Variants in NMNAT2 observed in about 807,000 individuals in gnomAD.
NMNAT2 encodes nicotinamide/nicotinic acid mononucleotide adenylyltransferase 2.
NMNAT2 carries 11 observed loss-of-function variants against 41.6 expected under a neutral mutation model. That is an observed-to-expected ratio of 0.26 (90% confidence interval 0.17 to 0.44). NMNAT2 has a LOEUF of 0.44. Among genes scored for constraint, NMNAT2 ranks in the 20% least tolerant of loss-of-function variants. The pLI, the probability that NMNAT2 is intolerant of heterozygous loss-of-function variation, is 1.00. For synonymous variants in NMNAT2, 148 were observed against 151.2 expected, an observed-to-expected ratio of 0.98 and a Z score of 0.16; for missense variants, 288 against 407.7, an observed-to-expected ratio of 0.71 and a Z score of 2.53.
chr1:183,408,853 G>C (rs1026024772), intron 1 of NMNAT2, among the ~76,000 whole-genome samples: 1 of 152,046 alleles, frequency 6.6e-6, no homozygotes, highest in South Asian at 2.1e-4. Flanking sequence ...AATTTAAAAC[G>C]AATGACATGT....
At chr1:183,397,558 A>G (rs989755440) in intron 1 of NMNAT2, among the ~76,000 whole-genome samples, 5 of 152,142 alleles carry the variant, frequency 3.3e-5, no homozygotes, top group African/African-American at 1.2e-4. Flanking sequence ...AGGAAATACA[A>G]AGAACGCCAC....
chr1:183,369,257 T>G (rs952290975), intron 1 of NMNAT2, among the ~76,000 whole-genome samples: 9 of 88,822 alleles, frequency 1.0e-4, no homozygotes, highest in Admixed American at 2.4e-4. Context: ...TTTTTTCTTT[T>G]CTTTTCTTTT....
At chr1:183,286,346 C>A (rs1382081456) in intron 5 of NMNAT2, among the ~76,000 whole-genome samples, 1 of 152,176 alleles carries the variant, frequency 6.6e-6, no homozygotes, top group African/African-American at 2.4e-5. Context: ...CCCACCTCAG[C>A]CTCCCAAAGT....
rs79354501 is a variant in NMNAT2 at position 183,265,619 on chromosome 1, C to A, written c.652-4316G>T. On this transcript the variant is annotated intron_variant, in intron 8 of 10. Coordinates refer to ENST00000287713, the MANE Select transcript of NMNAT2 (RefSeq NM_015039.4). Reference sequence around the variant, plus strand: ...CAAAGCTTTGGTATTTTCCTTGATTCCTCTCTTTCTCTTATATCCCACATT... The same window carrying A: ...CAAAGCTTTGGTATTTTCCTTGATTACTCTCTTTCTCTTATATCCCACATT... 2.8e-3 allele frequency among the ~76,000 whole-genome samples: 419 copies of A among 152,234 alleles called. 9 individuals are homozygous for A. The East Asian group carries it at 0.068, about 25-fold the overall frequency.
At chr1:183,289,504 T>C (rs1456118662) in intron 4 of NMNAT2, among the ~76,000 whole-genome samples, 1 of 152,236 alleles carries the variant, frequency 6.6e-6, no homozygotes, top group Non-Finnish European at 1.5e-5. Context: ...CCTATCTGTG[T>C]TCACCAAACA....
chr1:183,415,831 T>A lies in NMNAT2; in HGVS notation c.85+2352A>T, dbSNP rs188573295. Among the ~76,000 whole-genome samples, 74 of 152,350 alleles carry A rather than the reference T, an allele frequency of 4.9e-4. 1 individual carries two copies. Among genetic ancestry groups the A allele is most frequent in the African/African-American group, 1.6e-3 (66 of 41,588 alleles). On this transcript the variant is annotated intron_variant, in intron 1 of 10. Coordinates refer to ENST00000287713, the MANE Select transcript of NMNAT2 (RefSeq NM_015039.4). ...AAAATAGTTGAATGTGTATTTTGTGTTCTTATTCTTGCCTCATTTTCACCT... is the reference window on the plus strand; with the variant it reads ...AAAATAGTTGAATGTGTATTTTGTGATCTTATTCTTGCCTCATTTTCACCT...
At chr1:183,396,312 G>A (rs559890406) in intron 1 of NMNAT2, among the ~76,000 whole-genome samples, 96 of 152,152 alleles carry the variant, frequency 6.3e-4, no homozygotes, top group African/African-American at 1.8e-3. Flanking sequence ...ATGGTCAGGC[G>A]GTTGTTAACT....
chr1:183,389,841 A>AAAGAAAGAAAGG (rs1648412279), intron 1 of NMNAT2, among the ~76,000 whole-genome samples: 1 of 70,358 alleles, frequency 1.4e-5, no homozygotes, highest in African/African-American at 4.8e-5. Context: ...AGAAAGAAAG[A>AAAGAAAGAAAGG]AAGGAAAAAA....
intron 1 of NMNAT2, among the ~76,000 whole-genome samples, chr1:183,413,051 T>C (rs994077322): frequency 9.2e-5 from 14 of 152,374 alleles, no homozygotes; most frequent in South Asian, 4.1e-4. Flanking sequence ...GGCTCACTTG[T>C]ATAATGCTAA....
intron 8 of NMNAT2, among the ~76,000 whole-genome samples, chr1:183,265,258 CTTTTTTT>C (rs67117635): frequency 6.2e-5 from 4 of 64,528 alleles, no homozygotes; most frequent in Non-Finnish European, 8.0e-5. Flanking sequence ...TCTTCTTCTT[CTTTTTTT>C]TTTTTTTTTT....
intron 8 of NMNAT2, among the ~76,000 whole-genome samples, chr1:183,267,634 A>C (rs896502957): frequency 2.6e-5 from 4 of 152,062 alleles, no homozygotes; most frequent in African/African-American, 9.7e-5. Context: ...AAGGGCAGAC[A>C]TCTGACCCCA....
chr1:183,411,449 A>T (rs550402872), intron 1 of NMNAT2, among the ~76,000 whole-genome samples: 1 of 152,166 alleles, frequency 6.6e-6, no homozygotes, highest in East Asian at 1.9e-4. Flanking sequence ...GATTACAGGC[A>T]TGCACCACCA....
intron 4 of NMNAT2, among the ~76,000 whole-genome samples, chr1:183,288,151 C>T (rs1311646772): frequency 4.6e-5 from 7 of 152,326 alleles, no homozygotes; most frequent in Non-Finnish European, 2.9e-5. Context: ...GCTTCTTCCT[C>T]TTGCTGCACT....
chr1:183,390,819 C>A (rs1334951510), intron 1 of NMNAT2, among the ~76,000 whole-genome samples: 1 of 152,234 alleles, frequency 6.6e-6, no homozygotes, highest in East Asian at 1.9e-4. Flanking sequence ...TTTTGAAGGT[C>A]AGCTTGGGTC....
At chr1:183,269,869 A>G (rs1380035735) in intron 8 of NMNAT2, among the ~76,000 whole-genome samples, 1 of 151,956 alleles carries the variant, frequency 6.6e-6, no homozygotes, top group African/African-American at 2.4e-5. Context: ...TAAGACTCAT[A>G]TTGTAGTGAC....
chr1:183,369,603 A>G (rs1310686849), intron 1 of NMNAT2, among the ~76,000 whole-genome samples: 1 of 152,010 alleles, frequency 6.6e-6, no homozygotes, highest in Non-Finnish European at 1.5e-5. Flanking sequence ...TGTGGTAAAT[A>G]TTCATAGCAA....
chr1:183,319,249 C>T (rs924229661), intron 1 of NMNAT2, among the ~76,000 whole-genome samples: 3 of 152,156 alleles, frequency 2.0e-5, no homozygotes, highest in Non-Finnish European at 4.4e-5. Context: ...ACTGTGTACC[C>T]GTGCTGAGTG....
intron 1 of NMNAT2, among the ~76,000 whole-genome samples, chr1:183,406,968 G>A (rs1648974161): frequency 2.6e-5 from 4 of 151,976 alleles, no homozygotes; most frequent in African/African-American, 9.7e-5. Context: ...ACAAGCACAT[G>A]CCACCACACC....
chr1:183,389,897 G>GGGAA lies in NMNAT2; in HGVS notation c.85+28282_85+28285dup, dbSNP rs775036035. ...AGGGAGGGAGGGAGGGAGGGAGGGAGGGAAGGAAGGAAGGAAGGAAAGAAA... is the reference window on the plus strand; with the variant it reads ...AGGGAGGGAGGGAGGGAGGGAGGGAGGGAAGGAAGGAAGGAAGGAAGGAAAGAAA... On this transcript the variant is annotated intron_variant, in intron 1 of 10. Transcript: ENST00000287713. 2.8e-3 allele frequency among the ~76,000 whole-genome samples: 370 copies of GGGAA among 132,530 alleles called. 19 individuals are homozygous for GGGAA. The highest frequency in any genetic ancestry group is 9.7e-3 in the African/African-American group (347 of 35,876). 86.9% of individuals were successfully genotyped at this position (132,530 alleles called of 152,430 possible).
Sources: allele counts gnomAD v4.1 joint callset (sites outside exome capture counted in the v4.1 genomes callset), GRCh38; gene constraint gnomAD v4.1.1; transcripts MANE v1.5; gene names NCBI Gene and HGNC (gene_info 2026-07-23, HGNC 2026-07-21).